ASIC2: variants seen among roughly 807,000 people sequenced by gnomAD.
ASIC2 encodes the protein acid sensing ion channel subunit 2.
A neutral mutation model predicts 57.3 loss-of-function variants in ASIC2; 25 were observed. The ratio of observed to expected loss-of-function variants is 0.44; its 90% confidence interval spans 0.32 to 0.61. ASIC2 has a LOEUF of 0.61. Ranked by LOEUF, ASIC2 falls within the 20% of genes least tolerant of loss-of-function variation. The pLI is 0.06. For missense variants in ASIC2, 641 were observed against 738.1 expected, an observed-to-expected ratio of 0.87 and a Z score of 1.52; for synonymous variants, 319 against 307.5, an observed-to-expected ratio of 1.04 and a Z score of -0.39.
rs541033244 is a variant in ASIC2, at chr17:33,354,532, C to T, written c.556-242465G>A. 2.0e-5 allele frequency among the ~76,000 whole-genome samples: 3 copies of T among 152,252 alleles called. No homozygotes were observed. The South Asian group carries it at 6.2e-4, about 32-fold the overall frequency. ...CAGCCAGGTCTATTCCACCAGCTCT[C>T]CCTGCAGCCCTACCCCCATGGCTTC... On this transcript the variant is annotated intron_variant, in intron 1 of 9. Transcript: ENST00000359872.
At chr17:33,336,432 T>G (rs190657941) in intron 1 of ASIC2, among the ~76,000 whole-genome samples, 1 of 152,252 alleles carries the variant, frequency 6.6e-6, no homozygotes, top group Non-Finnish European at 1.5e-5. Flanking sequence ...TTGCTGAAAT[T>G]TTTGGCACCC....
At chr17:33,817,053 G>A (rs758374423) in intron 1 of ASIC2, among the ~76,000 whole-genome samples, 2 of 152,316 alleles carry the variant, frequency 1.3e-5, no homozygotes, top group East Asian at 1.9e-4. Flanking sequence ...GTGCCCCAGC[G>A]GGGCTGCACA....
Position 33,028,296 on chromosome 17 carries a change from A to G in ASIC2, c.1084T>C (p.Cys362Arg), listed in dbSNP as rs1013912393. 1 of 1,614,218 alleles carries G rather than the reference A, an allele frequency of 6.2e-7. No homozygotes were observed. Among genetic ancestry groups the G allele is most frequent in the Non-Finnish European group, 8.5e-7 (1 of 1,180,048 alleles). ...TTTTCCACAATGTAGCGGGTCTCAC[A>G]GTCAATCCTACAGGCGGTGATGCTG... ...VYSITACRID[C>R]ETRYIVENCN... is the part of the protein sequence containing the mutation. Residue 362 changes from cysteine (C) to arginine (R), a missense_variant, in exon 4 of 10, where the codon TGT becomes CGT. Transcript: ENST00000225823.
chr17:33,421,379 G>C (rs115443363), intron 1 of ASIC2, among the ~76,000 whole-genome samples: 1 of 152,216 alleles, frequency 6.6e-6, no homozygotes, highest in Non-Finnish European at 1.5e-5. Context: ...TTGATGATCT[G>C]TGTGCACTTG....
rs537605613 is a variant in ASIC2, at chr17:33,576,592, A to G, written c.556-464525T>C. On this transcript the variant is annotated intron_variant, in intron 1 of 9. Coordinates refer to the ASIC2 transcript ENST00000359872. ...GGCTTACAGCGCCCAATGTCCTCCA[A>G]TGGAAAGTGGGAATGATACCAGTAC... is the stretch of plus-strand genomic sequence containing the variant. Among the ~76,000 whole-genome samples, 12 of 152,252 alleles carry G rather than the reference A, an allele frequency of 7.9e-5. No individual in the cohort carries two copies. The South Asian group carries it at 2.3e-3, about 29-fold the overall frequency.
At chr17:34,136,079 TC>T (rs1385105228) in intron 1 of ASIC2, among the ~76,000 whole-genome samples, 2 of 152,068 alleles carry the variant, frequency 1.3e-5, no homozygotes, top group Admixed American at 6.5e-5. Flanking sequence ...AGTTATACCC[TC>T]CTCCTTTGGA....
At chr17:33,400,572 T>C (rs1433283758) in intron 1 of ASIC2, among the ~76,000 whole-genome samples, 2 of 152,178 alleles carry the variant, frequency 1.3e-5, no homozygotes, top group African/African-American at 4.8e-5. Flanking sequence ...GAAATCTCTC[T>C]TTTGGGAAAA....
At chr17:33,354,038 T>A (rs549583356) in intron 1 of ASIC2, among the ~76,000 whole-genome samples, 1 of 152,250 alleles carries the variant, frequency 6.6e-6, no homozygotes, top group Non-Finnish European at 1.5e-5. Flanking sequence ...ATGTCTTACA[T>A]GGTGCGGGCA....
chr17:33,341,551 C>G (rs1374846716), intron 1 of ASIC2, among the ~76,000 whole-genome samples: 1 of 152,198 alleles, frequency 6.6e-6, no homozygotes, highest in Non-Finnish European at 1.5e-5. Flanking sequence ...CCATGACTTG[C>G]AAAGCATAAC....
intron 1 of ASIC2, among the ~76,000 whole-genome samples, chr17:33,386,210 C>T (rs1327157668): frequency 1.3e-5 from 2 of 152,182 alleles, no homozygotes; most frequent in East Asian, 3.9e-4. Context: ...CAAGTCTAGG[C>T]TGATGACAGA....
At chr17:33,073,380 G>A (rs1175123554) in intron 3 of ASIC2, among the ~76,000 whole-genome samples, 22 of 152,162 alleles carry the variant, frequency 1.4e-4, no homozygotes, top group Admixed American at 1.4e-3. Flanking sequence ...GCTGGCCTGC[G>A]AGCTCAGAAG....
chr17:33,180,701 T>C (rs762403995), intron 1 of ASIC2, among the ~76,000 whole-genome samples: 1 of 152,202 alleles, frequency 6.6e-6, no homozygotes, highest in Non-Finnish European at 1.5e-5. Flanking sequence ...TGTCATCTAT[T>C]TGGGGACCCT....
intron 1 of ASIC2, among the ~76,000 whole-genome samples, chr17:33,248,793 T>A (rs186555117): frequency 1.3e-5 from 2 of 152,338 alleles, no homozygotes; most frequent in East Asian, 3.9e-4. Flanking sequence ...GAAACATTCA[T>A]GGTGATATTT....
intron 1 of ASIC2, among the ~76,000 whole-genome samples, chr17:33,686,769 T>A (rs1467853725): frequency 6.6e-6 from 1 of 152,184 alleles, no homozygotes; most frequent in Non-Finnish European, 1.5e-5. Context: ...TGAATTTCCA[T>A]CCTGACTTCT....
At position 33,028,289 on chromosome 17, in the gene ASIC2, G is replaced by C. The variant is rs141297044; in HGVS notation, c.1091C>G (p.Thr364Ser). 2 of 1,614,178 alleles carry C rather than the reference G, an allele frequency of 1.2e-6. No homozygotes were observed. Among genetic ancestry groups the C allele is most frequent in the Non-Finnish European group, 1.7e-6 (2 of 1,180,046 alleles). ...SITACRIDCE[T>S]RYIVENCNCR... is the part of the protein sequence containing the mutation. Reference sequence around the variant, plus strand: ...GTTGCAGTTTTCCACAATGTAGCGGGTCTCACAGTCAATCCTACAGGCGGT... The same window carrying C: ...GTTGCAGTTTTCCACAATGTAGCGGCTCTCACAGTCAATCCTACAGGCGGT... The change falls in exon 4 of 10, where the codon ACC becomes AGC. Residue 364 changes from threonine to serine, a missense_variant. Transcript: ENST00000225823.
rs537658071 is a variant in ASIC2, at chr17:33,105,914, C to T, written c.859+6003G>A. ...TGTGGAACTTTGAACTTGAGAGAGA[C>T]GATTTAGAGTATCTGGTGGAAGAAA... On this transcript the variant is annotated intron_variant, in intron 2 of 9. Transcript: ENST00000225823. Among the ~76,000 whole-genome samples the T allele has an allele frequency of 1.8e-4, 28 of 152,166 alleles. No homozygotes were observed. In the South Asian group the frequency reaches 2.5e-3, roughly 14 times the overall value.
intron 1 of ASIC2, among the ~76,000 whole-genome samples, chr17:33,953,570 A>C (rs1027731560): frequency 1.3e-5 from 2 of 152,180 alleles, no homozygotes; most frequent in South Asian, 4.2e-4. Flanking sequence ...CTGTAGTTAA[A>C]AAAAAAATCA....
chr17:33,846,201 TC>T (rs900794762), intron 1 of ASIC2, among the ~76,000 whole-genome samples: 1 of 152,090 alleles, frequency 6.6e-6, no homozygotes, highest in Admixed American at 6.6e-5. Flanking sequence ...GGGGCTCTTC[TC>T]CCGGGCCAGA....
At chr17:34,110,331 C>T (rs549970705) in intron 1 of ASIC2, among the ~76,000 whole-genome samples, 3 of 152,294 alleles carry the variant, frequency 2.0e-5, no homozygotes, top group South Asian at 2.1e-4. Context: ...GGAGCCAGGG[C>T]GCTGGCCTAA....
Sources: gnomAD v4.1 joint callset for allele counts (sites outside exome capture counted in the v4.1 genomes callset) on GRCh38, gnomAD v4.1.1 for gene constraint, MANE v1.5 for transcripts, NCBI Gene and HGNC (gene_info 2026-07-23, HGNC 2026-07-21) for gene names.